PTPRT: variants seen among roughly 807,000 people sequenced by gnomAD.
PTPRT encodes the protein protein tyrosine phosphatase receptor type T.
Under a neutral mutation model 176.8 loss-of-function variants are expected in PTPRT, and 56 were observed. That is an observed-to-expected ratio of 0.32 (90% CI 0.26 to 0.40). The LOEUF (loss-of-function observed/expected upper bound fraction) is 0.40, where lower values mean the gene tolerates loss of function less well. Ranked by LOEUF, PTPRT falls within the 10% of genes least tolerant of loss-of-function variation. The pLI, the probability that PTPRT is intolerant of heterozygous loss-of-function variation, is 1.00. For synonymous variants in PTPRT, 783 were observed against 739.0 expected (o/e 1.06, Z -0.96); for missense variants, 1,540 against 1,908.2 (o/e 0.81, Z 3.60).
intron 1 of PTPRT, among the ~76,000 whole-genome samples, chr20:42,917,499 A>T (rs1306871373): frequency 6.6e-6 from 1 of 152,178 alleles, no homozygotes; most frequent in Non-Finnish European, 1.5e-5. Flanking sequence ...TTCTGTGAAG[A>T]AAGTCATTGG....
chr20:42,512,773 T>C (rs2071981773), intron 7 of PTPRT, among the ~76,000 whole-genome samples: 1 of 152,112 alleles, frequency 6.6e-6, no homozygotes, highest in African/African-American at 2.4e-5. Context: ...TCATTTTGGA[T>C]GTGTCAGTTT....
intron 9 of PTPRT, among the ~76,000 whole-genome samples, chr20:42,408,000 A>T (rs1258096606): frequency 6.6e-6 from 1 of 152,192 alleles, no homozygotes; most frequent in Non-Finnish European, 1.5e-5. Flanking sequence ...AACATATAAA[A>T]ACATGTCCTG....
chr20:42,282,378 A>G, intron 13 of PTPRT, 111 bp downstream of exon 13: 4 of 1,131,268 alleles, frequency 3.5e-6, no homozygotes, highest in Non-Finnish European at 5.2e-6. Flanking sequence ...TGAAAATAAC[A>G]ATTCTTTCTT....
At chr20:42,139,932 T>C (rs1237028461) in intron 18 of PTPRT, among the ~76,000 whole-genome samples, 1 of 152,252 alleles carries the variant, frequency 6.6e-6, no homozygotes, top group Non-Finnish European at 1.5e-5. Flanking sequence ...TGCTGACTGT[T>C]TGAATATCAC....
At position 42,626,186 on chromosome 20, in the gene PTPRT, G is replaced by GA. The variant is rs576697794; in HGVS notation, c.1153+51679dup. On this transcript the variant is annotated intron_variant, in intron 7 of 30. Coordinates refer to ENST00000373187, the MANE Select transcript of PTPRT (RefSeq NM_007050.6). Reference sequence around the variant, plus strand: ...ATATTTTGAGGCTCATCTAGTTTAAGAAAAAAAAGCTATCAAAAACTGAAT... The same window carrying GA: ...ATATTTTGAGGCTCATCTAGTTTAAGAAAAAAAAAGCTATCAAAAACTGAAT... Among the ~76,000 whole-genome samples the GA allele has an allele frequency of 4.3e-3, 649 of 151,824 alleles. 7 individuals carry two copies. Among genetic ancestry groups the GA allele is most frequent in the Middle Eastern group, 0.017 (5 of 292 alleles).
At chr20:42,729,330 G>A (rs2076426653) in intron 6 of PTPRT, among the ~76,000 whole-genome samples, 2 of 152,312 alleles carry the variant, frequency 1.3e-5, no homozygotes, top group Admixed American at 1.3e-4. Context: ...AAAAAACAGA[G>A]GAAATTTTCT....
At chr20:43,120,950 G>A (rs2013236750) in intron 1 of PTPRT, among the ~76,000 whole-genome samples, 2 of 152,156 alleles carry the variant, frequency 1.3e-5, no homozygotes, top group Admixed American at 1.3e-4. Flanking sequence ...CTGCCAGCCA[G>A]GTCAAGAAAT....
At chr20:42,327,615 T>C (rs1474686271) in intron 11 of PTPRT, among the ~76,000 whole-genome samples, 1 of 152,038 alleles carries the variant, frequency 6.6e-6, no homozygotes, top group Non-Finnish European at 1.5e-5. Flanking sequence ...AGAGAGAAAC[T>C]AAATATGGCA....
chr20:42,735,764 G>A (rs1285893143), intron 6 of PTPRT, among the ~76,000 whole-genome samples: 1 of 151,882 alleles, frequency 6.6e-6, no homozygotes, highest in Non-Finnish European at 1.5e-5. Context: ...CCTGCTCTGG[G>A]GCTTCTCGTG....
intron 1 of PTPRT, among the ~76,000 whole-genome samples, chr20:42,966,711 G>A (rs894803143): frequency 7.2e-5 from 11 of 152,134 alleles, no homozygotes; most frequent in African/African-American, 2.4e-4. Flanking sequence ...CATTATTAAC[G>A]GCAGCTGGGC....
At chr20:42,241,189 G>T (rs899447432) in intron 14 of PTPRT, among the ~76,000 whole-genome samples, 1 of 152,134 alleles carries the variant, frequency 6.6e-6, no homozygotes, top group Non-Finnish European at 1.5e-5. Context: ...GTATGATAAG[G>T]CAACACATGG....
the PTPRT span, among the ~76,000 whole-genome samples, chr20:42,061,115 T>C: frequency 1.3e-5 from 2 of 152,254 alleles, no homozygotes; most frequent in African/African-American, 4.8e-5. Flanking sequence ...TAGTGACAAG[T>C]AAACCTTCAC....
intron 6 of PTPRT, among the ~76,000 whole-genome samples, chr20:42,693,916 T>C (rs1228946310): frequency 6.6e-6 from 1 of 152,148 alleles, no homozygotes; most frequent in Non-Finnish European, 1.5e-5. Context: ...ACCACCAATC[T>C]GTTTTCTACT....
chr20:43,149,927 G>A (rs2014294953), intron 1 of PTPRT, among the ~76,000 whole-genome samples: 1 of 152,194 alleles, frequency 6.6e-6, no homozygotes, highest in Admixed American at 6.5e-5. Flanking sequence ...GAAGAAACGT[G>A]TGAACATCCG....
Position 42,423,916 on chromosome 20 carries a change from C to T in PTPRT, c.1560+24304G>A, listed in dbSNP as rs141656690. Among the ~76,000 whole-genome samples, 486 of 152,134 alleles carry T rather than the reference C, an allele frequency of 3.2e-3. 7 individuals carry two copies. The highest frequency in any genetic ancestry group is 0.027 in the South Asian group (132 of 4,824). Reference sequence around the variant, plus strand: ...CAGAAAAATTTCATATGTATATAGACAGGTACTAGGAGAAAAAAATGAAAC... The same window carrying T: ...CAGAAAAATTTCATATGTATATAGATAGGTACTAGGAGAAAAAAATGAAAC... On this transcript the variant is annotated intron_variant, in intron 9 of 30. Transcript: ENST00000373187.
chr20:42,390,326 T>A (rs1453696474), intron 9 of PTPRT, among the ~76,000 whole-genome samples: 1 of 152,202 alleles, frequency 6.6e-6, no homozygotes, highest in Non-Finnish European at 1.5e-5. Flanking sequence ...ATGAAAAATA[T>A]AAATTGATTG....
intron 13 of PTPRT, among the ~76,000 whole-genome samples, chr20:42,266,263 T>C (rs1256137601): frequency 2.6e-5 from 4 of 152,164 alleles, no homozygotes. Flanking sequence ...CCCACAGCTC[T>C]TTTTTCTGTA....
intron 27 of PTPRT, among the ~76,000 whole-genome samples, chr20:42,090,687 C>T (rs932685966): frequency 6.6e-6 from 1 of 152,100 alleles, no homozygotes; most frequent in Admixed American, 6.5e-5. Flanking sequence ...TAAGCATCTG[C>T]GATTTATACA....
At chr20:42,178,482 A>G (rs6016707) in intron 16 of PTPRT, among the ~76,000 whole-genome samples, 51,904 of 152,080 alleles carry the variant, frequency 0.34, 9,233 homozygotes, top group Admixed American at 0.38. Flanking sequence ...TGGCTCTACT[A>G]CTTATTAGTC....
Sources: gnomAD v4.1 joint callset for allele counts (sites outside exome capture counted in the v4.1 genomes callset) on GRCh38, gnomAD v4.1.1 for gene constraint, MANE v1.5 for transcripts, NCBI Gene and HGNC (gene_info 2026-07-23, HGNC 2026-07-21) for gene names.